CFAP97D1: variants seen among roughly 807,000 people sequenced by gnomAD.
The protein encoded by CFAP97D1 is sperm axonemal maintenance protein CFAP97D1.
A neutral mutation model predicts 20.5 loss-of-function variants in CFAP97D1; 15 were observed. That is an observed-to-expected ratio of 0.73 (90% CI 0.49 to 1.13). The LOEUF is 1.13. CFAP97D1 is among the 50% of genes most tolerant of loss of function. CFAP97D1 has a pLI of 0.00. For missense variants in CFAP97D1, 168 were observed against 202.9 expected (o/e 0.83, Z 1.04); for synonymous variants, 58 against 71.2 (o/e 0.82, Z 0.93).
chr17:43,783,028 A>G, intron 3 of CFAP97D1, 152 bp from the exon 4 acceptor site: 2 of 869,252 alleles, frequency 2.3e-6, no homozygotes, highest in Non-Finnish European at 3.5e-6. Context: ...AGTGCAGACC[A>G]ACAGGCTGTC....
At chr17:43,781,985 C>A in intron 3 of CFAP97D1, 93 bp downstream of exon 3, 1 of 830,406 alleles carries the variant, frequency 1.2e-6, no homozygotes, top group Non-Finnish European at 2.0e-6. Context: ...CAGAGAAGTA[C>A]TTAAGGGAAG....
chr17:43,783,821 AT>A lies in CFAP97D1; in HGVS notation c.439-9del, dbSNP rs762447809. 1.9e-6 allele frequency: 3 copies of A among 1,546,430 alleles called. No homozygotes were observed. The highest frequency in any genetic ancestry group is 2.0e-5 in the Admixed American group (1 of 50,878). On this transcript the variant is annotated splice_polypyrimidine_tract_variant and intron_variant, in intron 4 of 5. Coordinates refer to ENST00000449302, the MANE Select transcript of CFAP97D1 (RefSeq NM_001136483.3). ...AATGCCCTGGCATTGACATAAACCA[AT>A]TTTTTTCCTTCAAGAATTCAAGGCG...
chr17:43,785,943 G>A lies in CFAP97D1; in HGVS notation c.*1561G>A, dbSNP rs1041610629. 6.6e-6 allele frequency: 1 copy of A among 152,134 alleles called. No homozygotes were observed. Among genetic ancestry groups the A allele is most frequent in the Non-Finnish European group, 1.5e-5 (1 of 68,074 alleles). 9.4% of individuals were successfully genotyped at this position (152,134 alleles called of 1,614,324 possible). ...CAAGGCCTGCCTCCCACCTCACTGG[G>A]ATGCTGGTAGCATGGCTTGGTCCAA... On this transcript the variant is annotated 3_prime_UTR_variant, in exon 6 of 6. Transcript: ENST00000449302.
chr17:43,781,192 A>G lies in CFAP97D1; in HGVS notation c.195+3A>G. On this transcript the variant is annotated splice_donor_region_variant and intron_variant, in intron 2 of 5. Transcript: ENST00000449302. The stretch of plus-strand genomic sequence containing the variant: ...TTTTAAAATTGAGCAAACTACAGGT[A>G]TTTGTTCTTGCTGCTTGCAGATGTG... 2 of 1,549,868 alleles carry G rather than the reference A, an allele frequency of 1.3e-6. No homozygotes were observed. Among genetic ancestry groups the G allele is most frequent in the South Asian group, 2.4e-5 (2 of 84,028 alleles).
In CFAP97D1 at chr17:43,781,181, A is replaced by T. The variant is rs1169593414; in HGVS notation, c.187A>T (p.Lys63Ter). 1 of 1,550,952 alleles carries T rather than the reference A, an allele frequency of 6.4e-7. No homozygotes were observed. The highest frequency in any genetic ancestry group is 1.4e-5 in the African/African-American group (1 of 73,020). The change falls in exon 2 of 6, where the codon AAA becomes TAA. Residue 63 changes from lysine (K) to a stop codon, truncating the protein, a stop_gained. Coordinates refer to ENST00000449302, the MANE Select transcript of CFAP97D1 (RefSeq NM_001136483.3). LOFTEE classifies it high-confidence loss of function. Reference sequence around the variant, plus strand: ...CACAAATCACATTTTAAAATTGAGCAAACTACAGGTATTTGTTCTTGCTGC... The same window carrying T: ...CACAAATCACATTTTAAAATTGAGCTAACTACAGGTATTTGTTCTTGCTGC... The part of the protein sequence containing the change: ...AHTNHILKLS[K>*]LQGEQKKINK...
chr17:43,782,964 G>A lies in CFAP97D1; in HGVS notation c.315-216G>A, dbSNP rs1247375275. Reference sequence around the variant, plus strand: ...AGTAGAATCTTCTCATGGGCAACAGGGTTGAGGACCACTGATATAAACCTG... The same window carrying A: ...AGTAGAATCTTCTCATGGGCAACAGAGTTGAGGACCACTGATATAAACCTG... On this transcript the variant is annotated intron_variant, in intron 3 of 5. Coordinates refer to ENST00000449302, the MANE Select transcript of CFAP97D1 (RefSeq NM_001136483.3). The A allele has an allele frequency of 5.3e-6, 3 of 570,128 alleles. No homozygotes were observed. The East Asian group carries it at 8.9e-5, about 17-fold the overall frequency. The allele number at this position is 570,128 out of a possible 1,614,324, so 35.3% of individuals were successfully genotyped here.
At position 43,780,517 on chromosome 17, in the gene CFAP97D1, C is replaced by G. The variant is rs372343752; in HGVS notation, c.55C>G (p.Gln19Glu). The G allele has an allele frequency of 6.4e-7, 1 of 1,551,618 alleles. No individual in the cohort carries two copies. Reference protein sequence around the residue: ...AYPVIVSNHRQSTTFRKKLDF... With the variant: ...AYPVIVSNHRESTTFRKKLDF... The stretch of plus-strand genomic sequence containing the variant: ...CCCTGTTATCGTCTCTAATCACAGG[C>G]AAAGCACAACCTTCAGAAAGAAACT... The change falls in exon 1 of 6, where the codon CAA becomes GAA. Residue 19 changes from glutamine to glutamate, a missense_variant. By Grantham distance (29) the Gln-to-Glu change is conservative. Coordinates refer to ENST00000449302, the MANE Select transcript of CFAP97D1 (RefSeq NM_001136483.3).
Position 43,783,274 on chromosome 17 carries a change from G to T in CFAP97D1, c.409G>T (p.Asp137Tyr). Residue 137 changes from aspartate to tyrosine, a missense_variant, in exon 4 of 6, where the codon GAC (aspartate) becomes TAC (tyrosine). By Grantham distance (160) the Asp-to-Tyr change is radical. Coordinates refer to ENST00000449302, the MANE Select transcript of CFAP97D1 (RefSeq NM_001136483.3). ...KRLVDRKPHY[D>Y]RRASEIDWQN... ...GCTTGTTGATCGCAAACCCCACTAT[G>T]ACCGCAGGGCATCTGAGATAGACTG... The T allele has an allele frequency of 6.4e-7, 1 of 1,551,288 alleles. No homozygotes were observed. The highest frequency in any genetic ancestry group is 1.2e-5 in the South Asian group (1 of 84,040).
Position 43,787,053 on chromosome 17 carries a change from A to T in CFAP97D1, c.*2671A>T, listed in dbSNP as rs1467615073. The T allele has an allele frequency of 1.3e-5, 2 of 151,884 alleles. No individual in the cohort carries two copies. The highest frequency in any genetic ancestry group is 2.9e-5 in the Non-Finnish European group (2 of 68,000). The allele number at this position is 151,884 out of a possible 1,614,324, so 9.4% of individuals were successfully genotyped here. A position where few individuals can be genotyped will look rare whatever the true frequency, so the allele number is the denominator to read the frequency against. On this transcript the variant is annotated 3_prime_UTR_variant, in exon 6 of 6. Coordinates refer to ENST00000449302, the MANE Select transcript of CFAP97D1 (RefSeq NM_001136483.3). ...ACGATCTTGGCTCACTGCAACCTCC[A>T]CCTCTGGGGTTCAAGCGATTCTCCT... is the stretch of plus-strand genomic sequence containing the variant.
rs1269238284 is a variant in CFAP97D1 at position 43,781,102 on chromosome 17, T to G, written c.125-17T>G. The G allele has an allele frequency of 6.5e-7, 1 of 1,544,836 alleles. No homozygotes were observed. Among genetic ancestry groups the G allele is most frequent in the South Asian group, 1.2e-5 (1 of 83,894 alleles). On this transcript the variant is annotated splice_polypyrimidine_tract_variant and intron_variant, in intron 1 of 5. Transcript: ENST00000449302. Reference sequence around the variant, plus strand: ...TCCTGTGATGTAACATTGTTCCCTTTTATCCCCCTTCTCTAGCGAAGCCTA... The same window carrying G: ...TCCTGTGATGTAACATTGTTCCCTTGTATCCCCCTTCTCTAGCGAAGCCTA...
chr17:43,781,631 T>C (rs2154590785), intron 2 of CFAP97D1, 143 bp from the exon 3 acceptor site: 2 of 652,994 alleles, frequency 3.1e-6, no homozygotes, highest in Admixed American at 2.8e-5. Context: ...GGCCGCCCAG[T>C]CTTTTAAGTT....
Position 43,781,835 on chromosome 17 carries a change from C to T in CFAP97D1, c.257C>T (p.Ala86Val), listed in dbSNP as rs1362195358. ...YENKQLCQKI[A>V]NAHRGPAKVD... ...AACAAGCAACTGTGTCAGAAAATCGCAAATGCCCATCGCGGCCCTGCCAAG... is the reference window on the plus strand; with the variant it reads ...AACAAGCAACTGTGTCAGAAAATCGTAAATGCCCATCGCGGCCCTGCCAAG... Residue 86 changes from alanine (A) to valine (V), a missense_variant, in exon 3 of 6, where the codon GCA (alanine) becomes GTA (valine). Ala to Val is a moderately conservative substitution (Grantham distance 64). Transcript: ENST00000449302. 6.4e-7 allele frequency: 1 copy of T among 1,551,540 alleles called. No individual in the cohort carries two copies. The highest frequency in any genetic ancestry group is 2.4e-5 in the East Asian group (1 of 40,936).
intron 2 of CFAP97D1, among the ~76,000 whole-genome samples, chr17:43,781,478 G>A (rs540348964): frequency 5.1e-4 from 77 of 152,254 alleles, no homozygotes; most frequent in African/African-American, 1.9e-3. Flanking sequence ...TTACAGGCAT[G>A]TGGCACCATG....
rs2044289159 is a variant in CFAP97D1, at chr17:43,785,888, G to T, written c.*1506G>T. ...TCCTGTTTTAGCTAGTCCTCAATTG[G>T]ATCCTGTGTCCAAGCCCCGCCTCTG... On this transcript the variant is annotated 3_prime_UTR_variant, in exon 6 of 6. Coordinates refer to ENST00000449302, the MANE Select transcript of CFAP97D1 (RefSeq NM_001136483.3). 1 of 152,094 alleles carries T rather than the reference G, an allele frequency of 6.6e-6. No individual in the cohort carries two copies. The highest frequency in any genetic ancestry group is 2.1e-4 in the South Asian group (1 of 4,820). The allele number at this position is 152,094 out of a possible 1,614,324, so 9.4% of individuals were successfully genotyped here.
chr17:43,782,951 T>C, intron 3 of CFAP97D1: 1 of 541,566 alleles, frequency 1.8e-6, no homozygotes, highest in Non-Finnish European at 3.3e-6. Context: ...TAGAATCTTC[T>C]CATGGGCAAC....
Position 43,780,629 on chromosome 17 carries a change from G to T in CFAP97D1, c.124+43G>T, listed in dbSNP as rs769217591. 1.8e-5 allele frequency: 28 copies of T among 1,549,854 alleles called. No individual in the cohort carries two copies. In the African/African-American group the frequency reaches 2.9e-4, roughly 16 times the overall value. On this transcript the variant is annotated intron_variant, in intron 1 of 5. Coordinates refer to ENST00000449302, the MANE Select transcript of CFAP97D1 (RefSeq NM_001136483.3). ...GCTGGACACTGCTATTAGGGATTTT[G>T]GAATGGTACCCCATAAAGAGATCAA... is the stretch of plus-strand genomic sequence containing the variant.
chr17:43,787,411 T>A lies in CFAP97D1; in HGVS notation c.*3029T>A, dbSNP rs1161243091. On this transcript the variant is annotated 3_prime_UTR_variant, in exon 6 of 6. Coordinates refer to ENST00000449302, the MANE Select transcript of CFAP97D1 (RefSeq NM_001136483.3). ...GGTCTTTGACAGAGTAAAATATTTT[T>A]ATTTGGATGACATCCAATATATCAA... 1.3e-5 allele frequency: 2 copies of A among 152,246 alleles called. No individual in the cohort carries two copies. Among genetic ancestry groups the A allele is most frequent in the Non-Finnish European group, 2.9e-5 (2 of 68,050 alleles). 9.4% of individuals were successfully genotyped at this position (152,246 alleles called of 1,614,324 possible).
intron 3 of CFAP97D1, among the ~76,000 whole-genome samples, chr17:43,782,251 AG>A (rs1194355255): frequency 6.6e-6 from 1 of 152,234 alleles, no homozygotes; most frequent in African/African-American, 2.4e-5. Context: ...TCTAGAGGCA[AG>A]GAAGTCCAAA....
At position 43,784,612 on chromosome 17, in the gene CFAP97D1, A is replaced by G. The variant is rs2044279184; in HGVS notation, c.*230A>G. On this transcript the variant is annotated 3_prime_UTR_variant, in exon 6 of 6. Coordinates refer to ENST00000449302, the MANE Select transcript of CFAP97D1 (RefSeq NM_001136483.3). ...GAGCATTTTTATTTGGGGCTATGAA[A>G]AGAAGTTTTAACGAGAGAGAGAGAG... 1 of 152,222 alleles carries G rather than the reference A, an allele frequency of 6.6e-6. No homozygotes were observed. Among genetic ancestry groups the G allele is most frequent in the South Asian group, 2.1e-4 (1 of 4,832 alleles). The allele number at this position is 152,222 out of a possible 1,614,324, so 9.4% of individuals were successfully genotyped here. A position where few individuals can be genotyped will look rare whatever the true frequency, so the allele number is the denominator to read the frequency against.
Sources: gnomAD v4.1 joint callset for allele counts (sites outside exome capture counted in the v4.1 genomes callset) on GRCh38, gnomAD v4.1.1 for gene constraint, MANE v1.5 for transcripts, NCBI Gene and HGNC (gene_info 2026-07-23, HGNC 2026-07-21) for gene names.